The following FAM107B variants were observed in gnomAD, a reference collection of about 807,000 sequenced individuals.
The protein encoded by FAM107B is protein FAM107B.
Under a neutral mutation model 31.5 loss-of-function variants are expected in FAM107B, and 21 were observed. The observed-to-expected ratio is 0.67, with a 90% CI of 0.47 to 0.96. The LOEUF is 0.96. Ranked by LOEUF, FAM107B falls within the 40% of genes least tolerant of loss-of-function variation. The probability of loss-of-function intolerance (pLI) is 0.00; values close to 1 mark genes in which losing one functional copy is unlikely to be tolerated. For missense variants in FAM107B, 452 were observed against 377.1 expected (o/e 1.20, Z -1.64); for synonymous variants, 157 against 141.5 (o/e 1.11, Z -0.78).
At chr10:14,581,899 C>T (rs917027752) in intron 2 of FAM107B, among the ~76,000 whole-genome samples, 1 of 152,088 alleles carries the variant, frequency 6.6e-6, no homozygotes, top group Non-Finnish European at 1.5e-5. Context: ...CAGAGCAAGA[C>T]CATGTCTCAA....
At chr10:14,602,999 C>CCCCACA (rs1554839346) in intron 2 of FAM107B, 3 of 146,866 alleles carry the variant, frequency 2.0e-5, no homozygotes, top group Non-Finnish European at 1.5e-5. Flanking sequence ...ACCCTCTTTC[C>CCCCACA]CACACACACA....
intron 1 of FAM107B, among the ~76,000 whole-genome samples, chr10:14,745,415 CT>C (rs1308609041): frequency 1.3e-5 from 2 of 152,092 alleles, no homozygotes; most frequent in African/African-American, 4.8e-5. Context: ...TGAGATCTTT[CT>C]AGCTTTTTGA....
At chr10:14,683,045 A>G (rs34323335) in intron 1 of FAM107B, among the ~76,000 whole-genome samples, 15,047 of 152,188 alleles carry the variant, frequency 0.099, 806 homozygotes, top group East Asian at 0.25. Context: ...TCCCCATTAC[A>G]CAATGTGGGA....
chr10:14,659,815 C>T (rs1005145741), intron 2 of FAM107B, among the ~76,000 whole-genome samples: 2 of 152,234 alleles, frequency 1.3e-5, no homozygotes, highest in African/African-American at 4.8e-5. Flanking sequence ...ATGGACCTTC[C>T]CGCAGAGGGG....
At chr10:14,700,014 C>A (rs1855357504) in intron 1 of FAM107B, among the ~76,000 whole-genome samples, 1 of 152,156 alleles carries the variant, frequency 6.6e-6, no homozygotes, top group Admixed American at 6.5e-5. Flanking sequence ...CTCACTGCAA[C>A]CTCCACCTCC....
chr10:14,635,105 GA>G lies in FAM107B; in HGVS notation c.469+32528del, dbSNP rs370546457. The stretch of plus-strand genomic sequence containing the variant: ...GAACCTATCTCCAAAAAAAAGAAAA[GA>G]AAAAAAAAAAGGAAAGAAGAAAGGA... On this transcript the variant is annotated intron_variant, in intron 2 of 4. Coordinates refer to ENST00000181796, the MANE Select transcript of FAM107B (RefSeq NM_031453.4). Among the ~76,000 whole-genome samples, 201 of 27,964 alleles carry G rather than the reference GA, an allele frequency of 7.2e-3. 1 individual carries two copies. Among genetic ancestry groups the G allele is most frequent in the African/African-American group, 0.023 (166 of 7,368 alleles). The allele number at this position is 27,964 out of a possible 152,430, so 18.3% of individuals were successfully genotyped here.
intron 2 of FAM107B, chr10:14,604,114 A>ACCC: frequency 5.9e-6 from 2 of 340,934 alleles, no homozygotes; most frequent in Non-Finnish European, 7.8e-6. Context: ...GCGCACGGGG[A>ACCC]CCCCCCACCC....
intron 1 of FAM107B, among the ~76,000 whole-genome samples, chr10:14,686,051 C>T (rs1854978409): frequency 6.6e-6 from 1 of 152,152 alleles, no homozygotes; most frequent in Admixed American, 6.5e-5. Context: ...TCAATTATCT[C>T]CACCTAGCTC....
intron 2 of FAM107B, among the ~76,000 whole-genome samples, chr10:14,551,837 T>G (rs1205950220): frequency 6.6e-6 from 1 of 152,172 alleles, no homozygotes; most frequent in African/African-American, 2.4e-5. Flanking sequence ...TGTACCTTTC[T>G]GGCTTTATCA....
At chr10:14,716,218 A>T (rs1237132360) in intron 1 of FAM107B, among the ~76,000 whole-genome samples, 2 of 152,192 alleles carry the variant, frequency 1.3e-5, no homozygotes, top group East Asian at 3.8e-4. Flanking sequence ...ATAAACCTTC[A>T]TTAGGTCACT....
chr10:14,595,189 T>G (rs1852146538), intron 2 of FAM107B, among the ~76,000 whole-genome samples: 1 of 152,142 alleles, frequency 6.6e-6, no homozygotes, highest in Admixed American at 6.5e-5. Flanking sequence ...ATTACACAAC[T>G]GTGTACATAT....
chr10:14,667,592 C>T (rs371705135), intron 2 of FAM107B, 42 bp downstream of exon 2: 19 of 1,606,552 alleles, frequency 1.2e-5, no homozygotes, highest in Non-Finnish European at 1.6e-5. Context: ...CTTCTGTCAG[C>T]AACAGCAGCC....
chr10:14,599,755 T>C (rs1429808710), intron 2 of FAM107B, among the ~76,000 whole-genome samples: 1 of 148,052 alleles, frequency 6.8e-6, no homozygotes, highest in African/African-American at 2.5e-5. Context: ...CCATAGAACA[T>C]ACACACTCAA....
chr10:14,729,498 A>AG (rs201445951), intron 1 of FAM107B, among the ~76,000 whole-genome samples: 1 of 55,240 alleles, frequency 1.8e-5, no homozygotes, highest in Non-Finnish European at 3.0e-5. Context: ...GATGAGTGTC[A>AG]GGGGGCATAA....
intron 2 of FAM107B, among the ~76,000 whole-genome samples, chr10:14,607,737 G>A (rs1852629682): frequency 6.6e-6 from 1 of 152,160 alleles, no homozygotes; most frequent in African/African-American, 2.4e-5. Flanking sequence ...TTTATCAGGT[G>A]GCTTAGAGGG....
intron 2 of FAM107B, among the ~76,000 whole-genome samples, chr10:14,625,161 G>C (rs1035991893): frequency 1.3e-5 from 2 of 151,734 alleles, no homozygotes; most frequent in African/African-American, 4.8e-5. Context: ...GGGAAACAGA[G>C]GTTGCAGTGA....
intron 2 of FAM107B, among the ~76,000 whole-genome samples, chr10:14,578,296 T>C (rs902180088): frequency 2.6e-5 from 4 of 152,220 alleles, no homozygotes; most frequent in African/African-American, 7.2e-5. Flanking sequence ...CAAACATCAG[T>C]TGAATTAATA....
chr10:14,616,735 C>T (rs1852861979), intron 2 of FAM107B, among the ~76,000 whole-genome samples: 1 of 152,084 alleles, frequency 6.6e-6, no homozygotes, highest in African/African-American at 2.4e-5. Context: ...CCAGCCTGGG[C>T]AACATGGGGA....
rs1434801479 is a variant in FAM107B, at chr10:14,682,946, C to T, written c.412-15255G>A. ...AAATAAAAATAATGTCAAGGAAGCT[C>T]GAACGTGGAATCCCGGACATAAGGG... is the stretch of plus-strand genomic sequence containing the variant. On this transcript the variant is annotated intron_variant, in intron 1 of 4. Transcript: ENST00000181796. Among the ~76,000 whole-genome samples the T allele has an allele frequency of 2.0e-5, 3 of 152,006 alleles. No individual in the cohort carries two copies. In the South Asian group the frequency reaches 6.2e-4, roughly 32 times the overall value.
Sources: allele counts gnomAD v4.1 joint callset (sites outside exome capture counted in the v4.1 genomes callset), GRCh38; gene constraint gnomAD v4.1.1; transcripts MANE v1.5; gene names NCBI Gene and HGNC (gene_info 2026-07-23, HGNC 2026-07-21).